The following SNTG1 variants were observed in gnomAD, a reference collection of about 807,000 sequenced individuals.
The protein encoded by SNTG1 is gamma-1-syntrophin.
A neutral mutation model predicts 74.7 loss-of-function variants in SNTG1; 39 were observed. The ratio of observed to expected loss-of-function variants is 0.52; its 90% confidence interval spans 0.40 to 0.68. SNTG1 has a LOEUF of 0.68. SNTG1 is among the 30% of genes least tolerant of loss of function. The probability of loss-of-function intolerance (pLI) is 0.00; values close to 1 mark genes in which losing one functional copy is unlikely to be tolerated. For missense variants in SNTG1, 685 were observed against 609.5 expected (o/e 1.12, Z -1.30); for synonymous variants, 254 against 217.1 (o/e 1.17, Z -1.49).
chr8:50,513,209 C>T (rs552467418), intron 9 of SNTG1, among the ~76,000 whole-genome samples: 1 of 152,308 alleles, frequency 6.6e-6, no homozygotes, highest in African/African-American at 2.4e-5. Flanking sequence ...TGGGTATCAG[C>T]AGTGGAGGCT....
intron 2 of SNTG1, among the ~76,000 whole-genome samples, chr8:50,246,561 G>T (rs2129788926): frequency 6.6e-6 from 1 of 151,780 alleles, no homozygotes; most frequent in South Asian, 2.1e-4. Flanking sequence ...AGCCAAATCA[G>T]GGTCGTAAGG....
At chr8:50,552,233 G>A (rs1038222295) in intron 11 of SNTG1, among the ~76,000 whole-genome samples, 1 of 152,042 alleles carries the variant, frequency 6.6e-6, no homozygotes, top group African/African-American at 2.4e-5. Context: ...ATCTATTCCT[G>A]TCCATTAAGT....
chr8:50,296,841 C>T (rs938106861), intron 2 of SNTG1, among the ~76,000 whole-genome samples: 6 of 152,214 alleles, frequency 3.9e-5, no homozygotes, highest in Middle Eastern at 3.4e-3. Context: ...ACAGTTTATT[C>T]CATGGGCATT....
chr8:50,155,521 C>T (rs1215768630), intron 1 of SNTG1, among the ~76,000 whole-genome samples: 1 of 151,792 alleles, frequency 6.6e-6, no homozygotes, highest in Non-Finnish European at 1.5e-5. Context: ...TAAGTTATGA[C>T]ACTACAGAAT....
intron 1 of SNTG1, among the ~76,000 whole-genome samples, chr8:50,009,357 G>A (rs1429153743): frequency 2.0e-5 from 3 of 152,148 alleles, no homozygotes; most frequent in Non-Finnish European, 4.4e-5. Context: ...ACTCTTACGG[G>A]AATTATTTGG....
chr8:50,076,098 G>A (rs966329579), intron 1 of SNTG1, among the ~76,000 whole-genome samples: 2 of 152,164 alleles, frequency 1.3e-5, no homozygotes, highest in African/African-American at 4.8e-5. Flanking sequence ...GCAATCAAGC[G>A]AAGTGTAGTA....
intron 2 of SNTG1, among the ~76,000 whole-genome samples, chr8:50,332,519 G>A (rs530008486): frequency 6.6e-6 from 1 of 152,010 alleles, no homozygotes; most frequent in Admixed American, 6.6e-5. Context: ...GTTTGTTTGG[G>A]AAATAAAATA....
intron 17 of SNTG1, among the ~76,000 whole-genome samples, chr8:50,742,628 A>C (rs2095545998): frequency 6.6e-6 from 1 of 151,856 alleles, no homozygotes; most frequent in Admixed American, 6.6e-5. Context: ...ATCTTAAAGA[A>C]GTAGAAAAAG....
chr8:50,773,274 A>G (rs1447278212), intron 18 of SNTG1, among the ~76,000 whole-genome samples: 1 of 152,148 alleles, frequency 6.6e-6, no homozygotes, highest in African/African-American at 2.4e-5. Flanking sequence ...TGAGGTTCCA[A>G]TGAGGGTCTT....
intron 13 of SNTG1, among the ~76,000 whole-genome samples, chr8:50,622,082 G>T (rs1021298375): frequency 3.3e-5 from 5 of 152,152 alleles, no homozygotes; most frequent in African/African-American, 1.2e-4. Flanking sequence ...CTTGCCTCAA[G>T]ATTTTCCTCA....
At chr8:50,774,855 C>T (rs1563826283) in intron 18 of SNTG1, among the ~76,000 whole-genome samples, 1 of 151,334 alleles carries the variant, frequency 6.6e-6, no homozygotes, top group African/African-American at 2.4e-5. Context: ...TTTTTGAGCA[C>T]TATTGACGTT....
chr8:50,148,485 G>T (rs933499613), intron 1 of SNTG1, among the ~76,000 whole-genome samples: 3 of 152,066 alleles, frequency 2.0e-5, no homozygotes, highest in Non-Finnish European at 2.9e-5. Context: ...GTATACATAT[G>T]CCATGTTGGT....
intron 1 of SNTG1, among the ~76,000 whole-genome samples, chr8:49,928,391 C>A (rs1428956885): frequency 6.6e-6 from 1 of 151,906 alleles, no homozygotes; most frequent in South Asian, 2.1e-4. Context: ...CCACCGTGCC[C>A]AGCCAATTTT....
At chr8:50,050,992 C>A (rs1202893488) in intron 1 of SNTG1, among the ~76,000 whole-genome samples, 1 of 151,908 alleles carries the variant, frequency 6.6e-6, no homozygotes, top group African/African-American at 2.4e-5. Context: ...AAGAGAAATT[C>A]TTCAACTTGA....
intron 4 of SNTG1, among the ~76,000 whole-genome samples, chr8:50,437,479 C>T (rs1428392038): frequency 6.6e-6 from 1 of 152,096 alleles, no homozygotes; most frequent in Non-Finnish European, 1.5e-5. Context: ...TTCCAATTTT[C>T]ACTAGTTCTT....
intron 13 of SNTG1, among the ~76,000 whole-genome samples, chr8:50,621,024 C>T (rs2094919508): frequency 6.6e-6 from 1 of 151,166 alleles, no homozygotes; most frequent in Admixed American, 6.6e-5. Context: ...GAAACAGAAA[C>T]ACATATAGTT....
intron 9 of SNTG1, among the ~76,000 whole-genome samples, chr8:50,513,082 A>C (rs879445022): frequency 6.6e-6 from 1 of 152,130 alleles, no homozygotes; most frequent in Admixed American, 6.5e-5. Flanking sequence ...GGTGATGTAC[A>C]GATGGGGTTT....
At chr8:50,699,939 T>C (rs147391752) in intron 15 of SNTG1, among the ~76,000 whole-genome samples, 24 of 152,288 alleles carry the variant, frequency 1.6e-4, no homozygotes, top group African/African-American at 4.8e-4. Flanking sequence ...GATCAATTAA[T>C]TATTTCCACT....
At chr8:50,173,834 A>C (rs1255507760) in intron 2 of SNTG1, among the ~76,000 whole-genome samples, 1 of 152,174 alleles carries the variant, frequency 6.6e-6, no homozygotes. Flanking sequence ...TTTTTAAAAA[A>C]TTTTACTTTA....
Sources: gnomAD v4.1 joint callset for allele counts (sites outside exome capture counted in the v4.1 genomes callset) on GRCh38, gnomAD v4.1.1 for gene constraint, MANE v1.5 for transcripts, NCBI Gene and HGNC (gene_info 2026-07-23, HGNC 2026-07-21) for gene names.